Variants in VPS13C observed in about 807,000 individuals in gnomAD.
VPS13C encodes vacuolar protein sorting 13 homolog C, also known as intermembrane lipid transfer protein VPS13C.
In VPS13C, 358 loss-of-function variants were observed where a neutral mutation model predicts 456.8. The observed-to-expected ratio is 0.78, with a 90% CI of 0.72 to 0.86. The LOEUF is 0.86. VPS13C is among the 40% of genes least tolerant of loss of function. The pLI is 0.00. For missense variants in VPS13C, 4,818 were observed against 4,385.4 expected (o/e 1.10, Z -2.79); for synonymous variants, 1,578 against 1,486.7 (o/e 1.06, Z -1.41).
Position 61,911,828 on chromosome 15 carries a change from GA to G in VPS13C, c.8715+11del. 2 of 1,570,244 alleles carry G rather than the reference GA, an allele frequency of 1.3e-6. No individual in the cohort carries two copies. Among genetic ancestry groups the G allele is most frequent in the Non-Finnish European group, 1.7e-6 (2 of 1,157,428 alleles). ...TATTTTAGGAATCAGTTGTAACAAAGAAAAATGCTACCTCTGAAGAAGCAAT... is the reference window on the plus strand; with the variant it reads ...TATTTTAGGAATCAGTTGTAACAAAGAAAATGCTACCTCTGAAGAAGCAAT... On this transcript the variant is annotated intron_variant, in intron 63 of 84. Transcript: ENST00000644861.
chr15:61,990,804 C>T (rs1314133251), intron 18 of VPS13C, among the ~76,000 whole-genome samples, 196 bp downstream of exon 18: 1 of 151,968 alleles, frequency 6.6e-6, no homozygotes, highest in African/African-American at 2.4e-5. Flanking sequence ...GAGCGAGACT[C>T]CATCTCAAAA....
At chr15:61,921,100 C>A (rs2043639828) in intron 55 of VPS13C, among the ~76,000 whole-genome samples, 1 of 152,054 alleles carries the variant, frequency 6.6e-6, no homozygotes, top group African/African-American at 2.4e-5. Flanking sequence ...ACTTAACTAG[C>A]CATCAGATTC....
chr15:61,974,747 A>G (rs1212018318), intron 24 of VPS13C, among the ~76,000 whole-genome samples: 1 of 152,150 alleles, frequency 6.6e-6, no homozygotes, highest in East Asian at 1.9e-4. Context: ...AACATCAAAG[A>G]GTATTTAACC....
rs542888745 is a variant in VPS13C at position 61,930,955 on chromosome 15, A to G, written c.6038+135T>C. 1.5e-5 allele frequency: 15 copies of G among 973,342 alleles called. No individual in the cohort carries two copies. The South Asian group carries it at 2.1e-4, about 14-fold the overall frequency. The allele number at this position is 973,342 out of a possible 1,614,324, so 60.3% of individuals were successfully genotyped here. A position where few individuals can be genotyped will look rare whatever the true frequency, so the allele number is the denominator to read the frequency against. Reference sequence around the variant, plus strand: ...AATCTGATATTAGCACTACTTCTTAATGCAATTCAAATCAGGAAGTATGAC... The same window carrying G: ...AATCTGATATTAGCACTACTTCTTAGTGCAATTCAAATCAGGAAGTATGAC... On this transcript the variant is annotated intron_variant, in intron 50 of 84. Transcript: ENST00000644861.
intron 66 of VPS13C, among the ~76,000 whole-genome samples, chr15:61,896,298 G>A (rs926111179): frequency 4.4e-4 from 67 of 152,340 alleles, no homozygotes; most frequent in Admixed American, 2.1e-3. Flanking sequence ...CAGCGTGAGC[G>A]ACACAGAAGA....
chr15:62,010,442 C>A, intron 13 of VPS13C, 30 bp downstream of exon 13: 3 of 1,547,490 alleles, frequency 1.9e-6, no homozygotes, highest in South Asian at 2.5e-5. Flanking sequence ...CAAGGCTAAT[C>A]AAAGCTGGAA....
At chr15:61,910,749 C>T (rs1309795790) in intron 63 of VPS13C, among the ~76,000 whole-genome samples, 1 of 152,128 alleles carries the variant, frequency 6.6e-6, no homozygotes, top group African/African-American at 2.4e-5. Flanking sequence ...ACAGACCTTG[C>T]TGGAAGTTCT....
At chr15:61,946,709 T>G (rs2044617724) in intron 43 of VPS13C, among the ~76,000 whole-genome samples, 1 of 151,712 alleles carries the variant, frequency 6.6e-6, no homozygotes, top group African/African-American at 2.4e-5. Context: ...TTAATCACAT[T>G]TCTCCAAACT....
In VPS13C at chr15:61,878,595, C is replaced by T. The variant is rs773625682; in HGVS notation, c.10142+12G>A. 6 of 1,605,818 alleles carry T rather than the reference C, an allele frequency of 3.7e-6. No homozygotes were observed. The Middle Eastern group carries it at 5.0e-4, about 133-fold the overall frequency. Reference sequence around the variant, plus strand: ...ACACCTGCTTCTCAATGTACTCTAACAGAAGTCTTACTTGAATATAAGGTC... The same window carrying T: ...ACACCTGCTTCTCAATGTACTCTAATAGAAGTCTTACTTGAATATAAGGTC... On this transcript the variant is annotated intron_variant, in intron 74 of 84. Transcript: ENST00000644861.
At chr15:61,878,525 A>G in intron 74 of VPS13C, 82 bp downstream of exon 74, 1 of 1,534,124 alleles carries the variant, frequency 6.5e-7, no homozygotes, top group Non-Finnish European at 8.7e-7. Context: ...CTAAGCTAAC[A>G]TTGCACAAGT....
chr15:61,983,670 A>C, intron 20 of VPS13C, 150 bp downstream of exon 20: 1 of 844,118 alleles, frequency 1.2e-6, no homozygotes, highest in Non-Finnish European at 1.8e-6. Flanking sequence ...TAGCTGCTGA[A>C]CATATACTGC....
chr15:61,870,548 T>G (rs1052846952), intron 79 of VPS13C, among the ~76,000 whole-genome samples: 2 of 152,230 alleles, frequency 1.3e-5, no homozygotes, highest in Non-Finnish European at 2.9e-5. Context: ...ACATTTGGGT[T>G]GTTTCCATCT....
At position 61,854,468 on chromosome 15, in the gene VPS13C, A is replaced by G. The variant is rs200747028; in HGVS notation, c.11251T>C (p.Leu3751=). 7.4e-6 allele frequency: 12 copies of G among 1,614,126 alleles called. No homozygotes were observed. Among genetic ancestry groups the G allele is most frequent in the African/African-American group, 1.3e-5 (1 of 75,058 alleles). Residue 3751 remains leucine, a synonymous_variant, in exon 85 of 85, where the codon TTG becomes CTG. Coordinates refer to ENST00000644861, the MANE Select transcript of VPS13C (RefSeq NM_020821.3). ...QSSVRLLRPQ[L]PS ...CCTGAGGTCTGTGATTAAGATGGCAATTGGGGTCTGAGAAGTCTCACTGAT... is the reference window on the plus strand; with the variant it reads ...CCTGAGGTCTGTGATTAAGATGGCAGTTGGGGTCTGAGAAGTCTCACTGAT...
chr15:61,927,140 A>G lies in VPS13C; in HGVS notation c.6467T>C (p.Val2156Ala). ...TTCTCTGAGAAAAGGGCAAGCGAGC[A>G]CTTTCAGATCTCTCACAGAAGCTTC... ...MMEASVRDLK[V>A]LACPFLREKR... is the part of the protein sequence containing the mutation. Residue 2156 changes from valine to alanine, a missense_variant, in exon 52 of 85, where the codon GTG becomes GCG. By Grantham distance (64) the Val-to-Ala change is moderately conservative. This residue lies in a region of VPS13C where 4,552 missense variants were observed against 4,130.6 expected (regional missense o/e 1.10). Coordinates refer to ENST00000644861, the MANE Select transcript of VPS13C (RefSeq NM_020821.3). 6.2e-7 allele frequency: 1 copy of G among 1,614,218 alleles called. No individual in the cohort carries two copies. Among genetic ancestry groups the G allele is most frequent in the Non-Finnish European group, 8.5e-7 (1 of 1,180,032 alleles).
At chr15:62,044,119 A>T (rs2048328140) in intron 2 of VPS13C, 93 bp downstream of exon 2, 1 of 787,960 alleles carries the variant, frequency 1.3e-6, no homozygotes. Context: ...CCATCACTTT[A>T]TCTAGTACAT....
At chr15:61,895,900 T>C (rs750189509) in intron 66 of VPS13C, among the ~76,000 whole-genome samples, 60 of 152,144 alleles carry the variant, frequency 3.9e-4, no homozygotes, top group Non-Finnish European at 6.9e-4. Context: ...TATAGCATTA[T>C]AGGATGACTA....
chr15:61,883,412 G>GT (rs1259795909), intron 68 of VPS13C, among the ~76,000 whole-genome samples: 5 of 152,180 alleles, frequency 3.3e-5, no homozygotes, highest in Middle Eastern at 3.4e-3. Context: ...GAATTATATA[G>GT]TTTTTTATCA....
intron 9 of VPS13C, among the ~76,000 whole-genome samples, chr15:62,015,178 A>G (rs967243355): frequency 6.6e-6 from 1 of 152,170 alleles, no homozygotes; most frequent in Non-Finnish European, 1.5e-5. Context: ...TTCTCTCTCT[A>G]TCCTTTAGAA....
Position 62,040,194 on chromosome 15 carries a change from T to C in VPS13C, c.187+1130A>G, listed in dbSNP as rs1195675398. Among the ~76,000 whole-genome samples the C allele has an allele frequency of 3.9e-5, 6 of 152,180 alleles. No individual in the cohort carries two copies. The South Asian group carries it at 6.2e-4, about 16-fold the overall frequency. ...CTCATGGAGACAGAGAGTAGAACAA[T>C]GGTTACCAGAAGCTAGGAAGGGTAA... On this transcript the variant is annotated intron_variant, in intron 3 of 84. Coordinates refer to ENST00000644861, the MANE Select transcript of VPS13C (RefSeq NM_020821.3).
Sources: allele counts gnomAD v4.1 joint callset (sites outside exome capture counted in the v4.1 genomes callset), GRCh38; gene constraint gnomAD v4.1.1; regional missense constraint gnomAD v4.1.1; transcripts MANE v1.5; gene names NCBI Gene and HGNC (gene_info 2026-07-23, HGNC 2026-07-21).